Variants in ZNF385D observed in about 807,000 individuals in gnomAD.
The protein encoded by ZNF385D is zinc finger protein 385D.
In ZNF385D, 15 loss-of-function variants were observed where a neutral mutation model predicts 35.8. The ratio of observed to expected loss-of-function variants is 0.42; its 90% CI spans 0.28 to 0.64. ZNF385D has a LOEUF of 0.64. ZNF385D is among the 30% of genes least tolerant of loss of function. The pLI is 0.23. For missense variants in ZNF385D, 474 were observed against 494.6 expected (o/e 0.96, Z 0.39); for synonymous variants, 212 against 186.8 (o/e 1.13, Z -1.10).
chr3:22,086,628 G>A (rs551111754), intron 3 of ZNF385D, among the ~76,000 whole-genome samples: 16 of 152,250 alleles, frequency 1.1e-4, no homozygotes, highest in African/African-American at 3.6e-4. Flanking sequence ...TAATACCCAA[G>A]GTAATTTGTG....
intron 2 of ZNF385D, among the ~76,000 whole-genome samples, chr3:21,639,770 T>C (rs1356929806): frequency 2.6e-5 from 4 of 152,158 alleles, no homozygotes; most frequent in Non-Finnish European, 4.4e-5. Flanking sequence ...CATGCCCTGC[T>C]TTAAGCAATT....
chr3:22,263,043 T>G (rs1350557355), intron 2 of ZNF385D, among the ~76,000 whole-genome samples: 1 of 151,974 alleles, frequency 6.6e-6, no homozygotes, highest in Non-Finnish European at 1.5e-5. Context: ...CCACCTCCAG[T>G]ATCATCACCC....
At chr3:22,213,678 A>G (rs1045398069) in intron 2 of ZNF385D, among the ~76,000 whole-genome samples, 3 of 152,064 alleles carry the variant, frequency 2.0e-5, no homozygotes, top group Non-Finnish European at 4.4e-5. Context: ...CATATTGTTC[A>G]TTAAGTCACT....
At chr3:21,466,153 A>G (rs1703501987) in intron 4 of ZNF385D, among the ~76,000 whole-genome samples, 1 of 152,148 alleles carries the variant, frequency 6.6e-6, no homozygotes, top group Non-Finnish European at 1.5e-5. Flanking sequence ...ATGCATCCTA[A>G]TAGGCAAATG....
intron 2 of ZNF385D, among the ~76,000 whole-genome samples, chr3:22,237,011 G>A (rs368422653): frequency 9.7e-4 from 148 of 152,090 alleles, no homozygotes; most frequent in African/African-American, 3.3e-3. Context: ...AAGAATTTAC[G>A]TGAATATGTT....
chr3:21,865,691 A>T (rs1344487360), intron 3 of ZNF385D, among the ~76,000 whole-genome samples: 1 of 152,154 alleles, frequency 6.6e-6, no homozygotes, highest in Admixed American at 6.5e-5. Flanking sequence ...AACTTAGTTT[A>T]TGGAAGAACT....
chr3:22,076,383 T>C (rs1170046377), intron 3 of ZNF385D, among the ~76,000 whole-genome samples: 1 of 151,958 alleles, frequency 6.6e-6, no homozygotes, highest in Non-Finnish European at 1.5e-5. Context: ...ATATTTCCCA[T>C]GGCCCATTAG....
chr3:21,537,256 C>T (rs902540841), intron 3 of ZNF385D, among the ~76,000 whole-genome samples: 24 of 151,346 alleles, frequency 1.6e-4, no homozygotes, highest in Admixed American at 2.6e-4. Flanking sequence ...CCTCAGCCTC[C>T]CAAGTAGCTG....
chr3:22,337,321 G>T (rs1169184716), intron 2 of ZNF385D, among the ~76,000 whole-genome samples: 1 of 152,094 alleles, frequency 6.6e-6, no homozygotes, highest in Non-Finnish European at 1.5e-5. Context: ...CTCACTTGAG[G>T]CCAGGAGTTC....
Position 21,925,307 on chromosome 3 carries a change from C to A in ZNF385D, c.325+243510G>T, listed in dbSNP as rs560835210. Among the ~76,000 whole-genome samples, 6 of 152,212 alleles carry A rather than the reference C, an allele frequency of 3.9e-5. No homozygotes were observed. The South Asian group carries it at 1.2e-3, about 32-fold the overall frequency. The stretch of plus-strand genomic sequence containing the variant: ...TTGGCAGAAGGATGGCCACACAGAT[C>A]AATGAAGCTGAATCCACAGACAGAC... On this transcript the variant is annotated intron_variant, in intron 3 of 5. Transcript: ENST00000494108.
chr3:21,503,387 G>A (rs1228519202), intron 4 of ZNF385D, among the ~76,000 whole-genome samples: 7 of 152,092 alleles, frequency 4.6e-5, no homozygotes, highest in African/African-American at 1.7e-4. Flanking sequence ...GTCAAGAAAA[G>A]CAAACTCTTC....
At chr3:21,842,347 G>A (rs534208990) in intron 3 of ZNF385D, among the ~76,000 whole-genome samples, 1 of 151,920 alleles carries the variant, frequency 6.6e-6, no homozygotes, top group Non-Finnish European at 1.5e-5. Flanking sequence ...GGGAAGGGAA[G>A]GAGAATGAAT....
chr3:21,748,585 C>A (rs1270371259), intron 1 of ZNF385D, among the ~76,000 whole-genome samples: 3 of 152,192 alleles, frequency 2.0e-5, no homozygotes, highest in Non-Finnish European at 4.4e-5. Context: ...CCCATTCTCA[C>A]AAGTCACCAG....
intron 3 of ZNF385D, among the ~76,000 whole-genome samples, chr3:21,984,745 A>G (rs1465463864): frequency 1.2e-4 from 15 of 120,788 alleles, no homozygotes; most frequent in Non-Finnish European, 2.0e-4. Flanking sequence ...GAATCTATAA[A>G]TTACCTTGGG....
At chr3:21,994,789 A>G (rs1366778515) in intron 3 of ZNF385D, among the ~76,000 whole-genome samples, 2 of 152,076 alleles carry the variant, frequency 1.3e-5, no homozygotes, top group African/African-American at 4.8e-5. Flanking sequence ...TCTCAGTATG[A>G]TTTCTTCAGC....
chr3:21,673,521 T>G (rs1170404799), intron 1 of ZNF385D, among the ~76,000 whole-genome samples: 1 of 152,082 alleles, frequency 6.6e-6, no homozygotes, highest in African/African-American at 2.4e-5. Flanking sequence ...ACTTTTCAGA[T>G]TGAGGAGAAG....
chr3:21,710,353 T>C (rs768879299), intron 1 of ZNF385D, among the ~76,000 whole-genome samples: 1 of 152,202 alleles, frequency 6.6e-6, no homozygotes, highest in South Asian at 2.1e-4. Context: ...CCCAATGATC[T>C]GGTGAGACTG....
chr3:22,098,254 A>G (rs181242185), intron 3 of ZNF385D, among the ~76,000 whole-genome samples: 218 of 152,184 alleles, frequency 1.4e-3, no homozygotes, highest in Non-Finnish European at 2.3e-3. Flanking sequence ...CAACTCCCAG[A>G]AAACAGAGGA....
chr3:21,560,574 C>T (rs371269892), intron 3 of ZNF385D, among the ~76,000 whole-genome samples: 5 of 152,122 alleles, frequency 3.3e-5, no homozygotes, highest in South Asian at 2.1e-4. Context: ...TATGAGGTGC[C>T]GGTCGGCCCC....
Sources: gnomAD v4.1 joint callset for allele counts (sites outside exome capture counted in the v4.1 genomes callset) on GRCh38, gnomAD v4.1.1 for gene constraint, MANE v1.5 for transcripts, NCBI Gene and HGNC (gene_info 2026-07-23, HGNC 2026-07-21) for gene names.